Variants in ZNF862 observed in about 807,000 individuals in gnomAD.
ZNF862 encodes the protein zinc finger protein 862.
Under a neutral mutation model 91.1 loss-of-function variants are expected in ZNF862, and 64 were observed. That is an observed-to-expected ratio of 0.70 (90% CI 0.57 to 0.87). ZNF862 has a LOEUF of 0.87. Ranked by LOEUF, ZNF862 falls within the 40% of genes least tolerant of loss-of-function variation. The pLI is 0.00. For missense variants in ZNF862, 1,459 were observed against 1,528.0 expected, an observed-to-expected ratio of 0.95 and a Z score of 0.75; for synonymous variants, 631 against 618.1, an observed-to-expected ratio of 1.02 and a Z score of -0.31.
chr7:149,853,339 T>C (rs907281353), intron 5 of ZNF862, among the ~76,000 whole-genome samples: 2 of 152,238 alleles, frequency 1.3e-5, no homozygotes, highest in Non-Finnish European at 2.9e-5. Flanking sequence ...TGTTATGGAA[T>C]GTGGGTGTTT....
intron 5 of ZNF862, chr7:149,858,861 AGAGGGGCACACGCATGGGCCAGCTGTGGG>A: frequency 8.2e-6 from 1 of 121,486 alleles, no homozygotes; most frequent in Non-Finnish European, 1.8e-5. Flanking sequence ...CTGTGGGGGC[AGAGGGGCACACGCATGGGCCAGCTGTGGG>A]GGCAGAGGGG....
intron 2 of ZNF862, 131 bp from the exon 3 acceptor site, chr7:149,846,020 C>T (rs548537129): frequency 4.6e-6 from 3 of 655,858 alleles, no homozygotes; most frequent in Non-Finnish European, 8.1e-6. Context: ...CTCCTACTTT[C>T]CTCCTTGGCC....
intron 1 of ZNF862, among the ~76,000 whole-genome samples, chr7:149,841,902 CACTT>C (rs543383343): frequency 6.5e-4 from 99 of 152,234 alleles, no homozygotes; most frequent in Middle Eastern, 3.4e-3. Flanking sequence ...CACATAGAAA[CACTT>C]AAGTAATAAA....
intron 1 of ZNF862, among the ~76,000 whole-genome samples, chr7:149,843,127 T>C (rs1183854494): frequency 2.0e-5 from 3 of 152,184 alleles, no homozygotes; most frequent in African/African-American, 7.2e-5. Context: ...TCTTAATACA[T>C]TTTTTTCTGC....
intron 5 of ZNF862, among the ~76,000 whole-genome samples, chr7:149,852,372 T>TGTGAGA (rs397724269): frequency 2.1e-5 from 3 of 143,762 alleles, no homozygotes; most frequent in African/African-American, 5.2e-5. Context: ...TGTGTGTGTG[T>TGTGAGA]GAGAGAGAGA....
intron 1 of ZNF862, among the ~76,000 whole-genome samples, chr7:149,839,586 C>T (rs146482815): frequency 3.7e-3 from 566 of 152,254 alleles, no homozygotes; most frequent in Non-Finnish European, 7.1e-3. Flanking sequence ...AAAGGGTTGT[C>T]CCACACGAAA....
chr7:149,853,475 T>C (rs1373206373), intron 5 of ZNF862, among the ~76,000 whole-genome samples: 2 of 152,200 alleles, frequency 1.3e-5, no homozygotes, highest in Non-Finnish European at 2.9e-5. Context: ...GAAGAGGTTT[T>C]GATAAGATGT....
intron 1 of ZNF862, among the ~76,000 whole-genome samples, chr7:149,840,264 A>G (rs1279307032): frequency 6.6e-6 from 1 of 151,342 alleles, no homozygotes; most frequent in Non-Finnish European, 1.5e-5. Context: ...AAAGAAAAAT[A>G]CTTTTTGTTG....
At position 149,864,146 on chromosome 7, in the gene ZNF862, T is replaced by C. The variant is rs773017868; in HGVS notation, c.3372T>C (p.Tyr1124=). 8.2e-6 allele frequency: 13 copies of C among 1,592,740 alleles called. 1 individual carries two copies. The South Asian group carries it at 1.5e-4, about 18-fold the overall frequency. ...RLRKEEMGAL[Y]VEEPRTQKPP... ...GGAAGGAGGAGATGGGAGCCCTCTA[T>C]GTGGAGGAGCCCAGGACCCAGAAGC... The change falls in exon 8 of 8, where the codon TAT becomes TAC. Residue 1124 remains tyrosine (Y), a synonymous_variant. Coordinates refer to ENST00000223210, the MANE Select transcript of ZNF862 (RefSeq NM_001099220.3).
In ZNF862 at chr7:149,864,518, A is replaced by AG. The variant is rs1313627831; in HGVS notation, c.*234_*235insG. The AG allele has an allele frequency of 4.0e-6, 2 of 505,016 alleles. No individual in the cohort carries two copies. The highest frequency in any genetic ancestry group is 3.4e-5 in the Admixed American group (1 of 29,310). The allele number at this position is 505,016 out of a possible 1,614,324, so 31.3% of individuals were successfully genotyped here. On this transcript the variant is annotated 3_prime_UTR_variant, in exon 8 of 8. Transcript: ENST00000223210. Reference sequence around the variant, plus strand: ...GCACACAAATGTGCCAGAAGGTTCTATATCTCAAGTTCATTTTTAAGGTGC... The same window carrying AG: ...GCACACAAATGTGCCAGAAGGTTCTAGTATCTCAAGTTCATTTTTAAGGTGC...
rs1347549004 is a variant in ZNF862 at position 149,860,601 on chromosome 7, A to G, written c.1441A>G (p.Lys481Glu). The G allele has an allele frequency of 6.2e-7, 1 of 1,614,020 alleles. No individual in the cohort carries two copies. Residue 481 changes from lysine to glutamate, a missense_variant, in exon 7 of 8, where the codon AAA becomes GAA. Physicochemically the swap from Lys to Glu is moderately conservative, Grantham distance 56 (BLOSUM62 1). Coordinates refer to ENST00000223210, the MANE Select transcript of ZNF862 (RefSeq NM_001099220.3). ...GTTCCCATGGTTAGTAATTGACCCCAAAGAGACCAAACTCTTCTGCTCAGC... is the reference window on the plus strand; with the variant it reads ...GTTCCCATGGTTAGTAATTGACCCCGAAGAGACCAAACTCTTCTGCTCAGC... ...GQFPWLVIDPKETKLFCSACI... is the reference protein window; with the variant it reads ...GQFPWLVIDPEETKLFCSACI...
At chr7:149,858,049 G>C (rs996154153) in intron 5 of ZNF862, among the ~76,000 whole-genome samples, 3 of 152,086 alleles carry the variant, frequency 2.0e-5, no homozygotes, top group Non-Finnish European at 4.4e-5. Flanking sequence ...CCCGGAATAG[G>C]TGAGAGGACC....
Position 149,838,636 on chromosome 7 carries a change from GT to G in ZNF862, c.24+2del. 2.4e-6 allele frequency: 3 copies of G among 1,227,916 alleles called. No homozygotes were observed. The highest frequency in any genetic ancestry group is 3.1e-6 in the Non-Finnish European group (3 of 979,862). The allele number at this position is 1,227,916 out of a possible 1,614,324, so 76.1% of individuals were successfully genotyped here. ...CATGGAGCCCAGAGAGTCGGGGAAG[GT>G]AGGACTGGAAGGCCCGGGGGCCGCC... On this transcript the variant is annotated splice_donor_variant, in intron 1 of 7. Coordinates refer to ENST00000223210, the MANE Select transcript of ZNF862 (RefSeq NM_001099220.3). LOFTEE classifies it high-confidence loss of function.
Position 149,861,138 on chromosome 7 carries a change from G to T in ZNF862, c.1978G>T (p.Ala660Ser). The T allele has an allele frequency of 1.2e-6, 2 of 1,613,004 alleles. No individual in the cohort carries two copies. Among genetic ancestry groups the T allele is most frequent in the Non-Finnish European group, 1.7e-6 (2 of 1,179,850 alleles). ...MEVKESYITL[A>S]PLYSETADGY... is the part of the protein sequence containing the mutation. ...GGTGAAAGAGTCCTACATCACTCTG[G>T]CCCCTCTCTACAGTGAGACAGCAGA... Residue 660 changes from alanine (A) to serine (S), a missense_variant, in exon 7 of 8, where the codon GCC (alanine) becomes TCC (serine). Coordinates refer to ENST00000223210, the MANE Select transcript of ZNF862 (RefSeq NM_001099220.3). The surrounding 1 kb of genome is among the most constrained non-coding windows in gnomAD (Gnocchi z 6.7).
At chr7:149,840,199 A>AAAAAAAAAAAAAAAAAAAAAAAT in intron 1 of ZNF862, among the ~76,000 whole-genome samples, 1 of 147,318 alleles carries the variant, frequency 6.8e-6, no homozygotes, top group Non-Finnish European at 1.5e-5. Context: ...AAAAAAAAAA[A>AAAAAAAAAAAAAAAAAAAAAAAT]AAAAAAAAAA....
intron 5 of ZNF862, among the ~76,000 whole-genome samples, chr7:149,852,990 C>A (rs1355047883): frequency 6.6e-6 from 1 of 152,146 alleles, no homozygotes; most frequent in African/African-American, 2.4e-5. Context: ...GAGTTCGAGT[C>A]CCCCAGCTTC....
intron 7 of ZNF862, 132 bp downstream of exon 7, chr7:149,862,626 C>T (rs983118954): frequency 8.4e-5 from 84 of 1,004,710 alleles, no homozygotes; most frequent in Non-Finnish European, 1.1e-4. Flanking sequence ...GTACTCGATG[C>T]GTGACATCCA....
chr7:149,856,285 T>C (rs1466657618), intron 5 of ZNF862: 1 of 152,248 alleles, frequency 6.6e-6, no homozygotes, highest in Non-Finnish European at 1.5e-5. Flanking sequence ...TATTGATTCC[T>C]ACTGTGGAAG....
chr7:149,852,161 A>G (rs940410080), intron 5 of ZNF862: 1 of 152,050 alleles, frequency 6.6e-6, no homozygotes, highest in South Asian at 2.1e-4. Context: ...GATATAAAGT[A>G]GTGTTAAAAC....
Sources: allele counts gnomAD v4.1 joint callset (sites outside exome capture counted in the v4.1 genomes callset), GRCh38; gene constraint gnomAD v4.1.1; non-coding constraint Gnocchi (gnomAD v3.1); transcripts MANE v1.5; gene names NCBI Gene and HGNC (gene_info 2026-07-23, HGNC 2026-07-21).